MTFR1: variants seen among roughly 807,000 people sequenced by gnomAD.
The protein encoded by MTFR1 is chondrocyte protein with a poly-proline region.
MTFR1 carries 28 observed loss-of-function variants against 38.8 expected under a neutral mutation model. That is an observed-to-expected ratio of 0.72 (90% CI 0.53 to 0.99). The LOEUF is 0.99. MTFR1 is among the 50% of genes least tolerant of loss of function. The pLI, the probability that MTFR1 is intolerant of heterozygous loss-of-function variation, is 0.00. For missense variants in MTFR1, 358 were observed against 395.5 expected, an observed-to-expected ratio of 0.91 and a Z score of 0.81; for synonymous variants, 145 against 137.0, an observed-to-expected ratio of 1.06 and a Z score of -0.41.
At chr8:65,683,062 C>A in intron 3 of MTFR1, 1 of 259,520 alleles carries the variant, frequency 3.9e-6, no homozygotes, top group Non-Finnish European at 6.0e-6. Flanking sequence ...AGCACCAAAT[C>A]TGGAGCAACT....
At chr8:65,750,381 C>T (rs1414940019) in intron 3 of MTFR1, among the ~76,000 whole-genome samples, 1 of 152,008 alleles carries the variant, frequency 6.6e-6, no homozygotes, top group African/African-American at 2.4e-5. Context: ...CCTTAAATTA[C>T]ACACAAAAGG....
intron 3 of MTFR1, among the ~76,000 whole-genome samples, chr8:65,723,829 G>A (rs906021710): frequency 3.9e-5 from 6 of 152,118 alleles, no homozygotes; most frequent in Non-Finnish European, 7.4e-5. Context: ...TAAATGCAAG[G>A]TGTTACCCCA....
At chr8:65,685,659 A>G (rs1446182926) in intron 3 of MTFR1, among the ~76,000 whole-genome samples, 3 of 152,254 alleles carry the variant, frequency 2.0e-5, no homozygotes, top group African/African-American at 7.2e-5. Flanking sequence ...TTCATATTTT[A>G]TGCTAGGTGT....
intron 2 of MTFR1, among the ~76,000 whole-genome samples, chr8:65,678,875 A>G (rs953514491): frequency 6.6e-6 from 1 of 151,750 alleles, no homozygotes; most frequent in Non-Finnish European, 1.5e-5. Context: ...ACAGAGCGAG[A>G]CTCCATCTAA....
chr8:65,708,875 C>A, intron 7 of MTFR1, 101 bp from the exon 8 acceptor site: 1 of 1,168,058 alleles, frequency 8.6e-7, no homozygotes, highest in Non-Finnish European at 1.3e-6. Flanking sequence ...GTTTTTCATG[C>A]AGAACATACC....
intron 1 of MTFR1, among the ~76,000 whole-genome samples, chr8:65,647,600 A>G (rs1439589497): frequency 6.6e-6 from 1 of 152,178 alleles, no homozygotes; most frequent in Non-Finnish European, 1.5e-5. Flanking sequence ...GTGAGCCACC[A>G]TGTCTGGCCT....
At chr8:65,700,264 T>C (rs1206427395) in intron 4 of MTFR1, among the ~76,000 whole-genome samples, 1 of 150,804 alleles carries the variant, frequency 6.6e-6, no homozygotes, top group Non-Finnish European at 1.5e-5. Context: ...GGTGGTAGGA[T>C]TGCTTGAGCC....
intron 2 of MTFR1, among the ~76,000 whole-genome samples, chr8:65,674,177 C>T (rs544118102): frequency 2.0e-5 from 3 of 152,298 alleles, no homozygotes; most frequent in Admixed American, 6.5e-5. Context: ...AGGTGATCCA[C>T]CCACGTTGGC....
At chr8:65,680,119 G>C (rs1001841631) in intron 2 of MTFR1, among the ~76,000 whole-genome samples, 1 of 128,322 alleles carries the variant, frequency 7.8e-6, no homozygotes, top group African/African-American at 3.0e-5. Context: ...GGTGCCAGGG[G>C]TATTATATAT....
At chr8:65,711,943 C>T (rs1349909520), downstream of MTFR1, among the ~76,000 whole-genome samples, 6 of 152,192 alleles carry the variant, frequency 3.9e-5, no homozygotes, top group African/African-American at 1.2e-4. Flanking sequence ...GTTAAGACAG[C>T]TCAAACAGTG....
intron 3 of MTFR1, among the ~76,000 whole-genome samples, chr8:65,749,567 CTGTT>C (rs1295983628): frequency 1.3e-5 from 2 of 152,210 alleles, no homozygotes; most frequent in African/African-American, 4.8e-5. Flanking sequence ...TAGAATTGGT[CTGTT>C]TGAAGAAATT....
chr8:65,647,293 T>C (rs372602150), intron 1 of MTFR1, among the ~76,000 whole-genome samples: 47 of 152,196 alleles, frequency 3.1e-4, no homozygotes, highest in African/African-American at 1.0e-3. Flanking sequence ...GAATGGTATA[T>C]AGTAGGATTT....
chr8:65,682,502 T>G (rs1479694137), intron 3 of MTFR1, 51 bp downstream of exon 3: 1 of 982,982 alleles, frequency 1.0e-6, no homozygotes, highest in Non-Finnish European at 1.4e-6. Context: ...ACATTAGAAA[T>G]ATAAATAGGC....
At chr8:65,757,658 G>A (rs762482680) in intron 3 of MTFR1, among the ~76,000 whole-genome samples, 12 of 152,026 alleles carry the variant, frequency 7.9e-5, no homozygotes, top group Non-Finnish European at 1.5e-4. Context: ...TCGCTCTGTC[G>A]CCCAGGCTGA....
At chr8:65,644,170 T>C (rs1409883971), upstream of MTFR1, among the ~76,000 whole-genome samples, 1 of 152,162 alleles carries the variant, frequency 6.6e-6, no homozygotes, top group East Asian at 1.9e-4. Context: ...ATTCAAATCT[T>C]TAGAAAGCAC....
chr8:65,729,957 A>G (rs1806783233), intron 3 of MTFR1, among the ~76,000 whole-genome samples: 2 of 151,956 alleles, frequency 1.3e-5, no homozygotes, highest in Non-Finnish European at 1.5e-5. Flanking sequence ...CAAAAGGACA[A>G]GGCGGTCCTC....
chr8:65,702,373 C>T (rs532677332), intron 4 of MTFR1, among the ~76,000 whole-genome samples: 122 of 143,876 alleles, frequency 8.5e-4, no homozygotes, highest in African/African-American at 2.9e-3. Context: ...GATCTTGGCT[C>T]ACTGCAACCT....
intron 3 of MTFR1, among the ~76,000 whole-genome samples, chr8:65,766,629 C>T (rs1724821996): frequency 1.3e-5 from 2 of 152,300 alleles, no homozygotes; most frequent in Middle Eastern, 3.4e-3. Context: ...TTCCTCTCTC[C>T]CATGCATCAC....
intron 3 of MTFR1, chr8:65,747,890 G>T: frequency 1.5e-6 from 1 of 670,696 alleles, no homozygotes; most frequent in Non-Finnish European, 2.4e-6. Flanking sequence ...TTATGTACAA[G>T]TATTTTTAAA....
Sources: allele counts gnomAD v4.1 joint callset (sites outside exome capture counted in the v4.1 genomes callset), GRCh38; gene constraint gnomAD v4.1.1; transcripts MANE v1.5; gene names NCBI Gene and HGNC (gene_info 2026-07-23, HGNC 2026-07-21).